Variants in KDM6A observed in about 807,000 individuals in gnomAD.
KDM6A encodes the protein lysine-specific demethylase 6A.
Under a neutral mutation model 117.6 loss-of-function variants are expected in KDM6A, and 11 were observed. The ratio of observed to expected loss-of-function variants is 0.09; its 90% CI spans 0.06 to 0.15. The LOEUF is 0.15. Among genes scored for constraint, KDM6A ranks in the 10% least tolerant of loss-of-function variants. KDM6A has a pLI of 1.00. For synonymous variants in KDM6A, 384 were observed against 396.1 expected (o/e 0.97, Z 0.36); for missense variants, 799 against 1,077.3 (o/e 0.74, Z 3.62).
chrX:44,980,441 G>A (rs1312045114), intron 4 of KDM6A, among the ~76,000 whole-genome samples: 1 of 110,520 alleles, frequency 9.0e-6, no homozygotes, highest in African/African-American at 3.3e-5. Flanking sequence ...GGAAGAATTT[G>A]TCATCGGTAA....
chrX:45,071,738 T>TG (rs1436985907), intron 18 of KDM6A, among the ~76,000 whole-genome samples: 9 of 99,060 alleles, frequency 9.1e-5, no homozygotes, highest in East Asian at 6.4e-4. Context: ...TGTGTTTTCT[T>TG]TTCTTTTCTT....
intron 2 of KDM6A, among the ~76,000 whole-genome samples, chrX:44,892,693 A>G (rs1279676166): frequency 1.9e-5 from 2 of 106,133 alleles, no homozygotes; most frequent in African/African-American, 6.9e-5. Flanking sequence ...CTCTGTCTCA[A>G]ACAAAAACAA....
At chrX:44,878,461 AACACTT>A (rs2031905114) in intron 2 of KDM6A, among the ~76,000 whole-genome samples, 1 of 112,189 alleles carries the variant, frequency 8.9e-6, no homozygotes, top group African/African-American at 3.2e-5. Context: ...TTGTCTTCTG[AACACTT>A]GCAGTCTTAA....
chrX:44,879,989 A>G (rs773957427), intron 2 of KDM6A, among the ~76,000 whole-genome samples: 46 of 109,861 alleles, frequency 4.2e-4, no homozygotes, highest in African/African-American at 1.4e-3. Context: ...CCTGACCAAT[A>G]TGGTGAAACC....
intron 2 of KDM6A, among the ~76,000 whole-genome samples, chrX:44,917,761 G>A (rs1181201979): frequency 8.9e-6 from 1 of 112,075 alleles, no homozygotes; most frequent in Non-Finnish European, 1.9e-5. Flanking sequence ...CCAGATGGTG[G>A]AGCTGGAACT....
At position 45,111,413 on chromosome X, in the gene KDM6A, A is replaced by G; in HGVS notation, c.*2A>G. 8.4e-7 allele frequency: 1 copy of G among 1,193,496 alleles called. No individual in the cohort carries two copies. Among genetic ancestry groups the G allele is most frequent in the Non-Finnish European group, 1.1e-6 (1 of 879,785 alleles). On this transcript the variant is annotated 3_prime_UTR_variant, in exon 30 of 30. Transcript: ENST00000611820. ...CCATTACCATCCGCCTCATCTTGAT[A>G]TTGTTCCATGGACATTAAATGAGAC... is the stretch of plus-strand genomic sequence containing the variant.
intron 3 of KDM6A, among the ~76,000 whole-genome samples, chrX:44,974,307 A>G (rs766529009): frequency 1.3e-3 from 141 of 111,638 alleles, no homozygotes; most frequent in African/African-American, 4.5e-3. Context: ...TAAACCACAA[A>G]TTAAAAAAAT....
At chrX:44,877,911 G>GT (rs1459784610) in intron 2 of KDM6A, among the ~76,000 whole-genome samples, 1 of 111,422 alleles carries the variant, frequency 9.0e-6, no homozygotes, top group African/African-American at 3.3e-5. Context: ...AATAGAAGTA[G>GT]TTTAAGATCC....
chrX:44,906,835 T>C lies in KDM6A; in HGVS notation c.225+32848T>C, dbSNP rs919818082. Among the ~76,000 whole-genome samples, 3 of 112,095 alleles carry C rather than the reference T, an allele frequency of 2.7e-5. No individual in the cohort carries two copies. The Admixed American group carries it at 2.8e-4, about 11-fold the overall frequency. ...TGGTGCTGGGCCCATCTTTTCTTGT[T>C]AGGAGCAGCATTATTGATACATAAT... is the stretch of plus-strand genomic sequence containing the variant. On this transcript the variant is annotated intron_variant, in intron 2 of 29. Coordinates refer to ENST00000611820, the MANE Select transcript of KDM6A (RefSeq NM_001291415.2).
At chrX:45,020,261 G>C (rs979714504) in intron 5 of KDM6A, among the ~76,000 whole-genome samples, 3 of 111,262 alleles carry the variant, frequency 2.7e-5, no homozygotes, top group African/African-American at 9.8e-5. Flanking sequence ...AAACTTTCCT[G>C]TTTGCCCCAC....
intron 2 of KDM6A, among the ~76,000 whole-genome samples, chrX:44,921,895 C>T (rs1569436013): frequency 9.2e-6 from 1 of 108,145 alleles, no homozygotes; most frequent in Non-Finnish European, 1.9e-5. Flanking sequence ...TGATCTTCCC[C>T]ATTTTATATT....
chrX:44,881,657 CT>C (rs1052878479), intron 2 of KDM6A, among the ~76,000 whole-genome samples: 4 of 101,376 alleles, frequency 3.9e-5, no homozygotes, highest in African/African-American at 1.4e-4. Flanking sequence ...TTCTTGTATG[CT>C]TTTTGTAATT....
chrX:45,003,895 CCT>C (rs1432673678), intron 4 of KDM6A, among the ~76,000 whole-genome samples: 1 of 95,538 alleles, frequency 1.0e-5, no homozygotes, highest in Non-Finnish European at 2.1e-5. Flanking sequence ...CCCTTCTCCC[CCT>C]TCCACCCCCT....
At chrX:44,898,913 C>T (rs1031774167) in intron 2 of KDM6A, among the ~76,000 whole-genome samples, 23 of 105,383 alleles carry the variant, frequency 2.2e-4, no homozygotes, top group African/African-American at 8.1e-4. Context: ...CAAAGCACCA[C>T]CTGCTTCTTC....
chrX:44,988,925 C>A (rs2040410305), intron 4 of KDM6A, among the ~76,000 whole-genome samples: 1 of 110,299 alleles, frequency 9.1e-6, no homozygotes, highest in African/African-American at 3.3e-5. Flanking sequence ...CCACTGCTGT[C>A]TTCAAAGCTG....
chrX:44,876,968 TGAATACGTATATACACGTATAC>T (rs2031664393), intron 2 of KDM6A, among the ~76,000 whole-genome samples: 1 of 82,517 alleles, frequency 1.2e-5, no homozygotes, highest in African/African-American at 1.1e-4. Flanking sequence ...CGCACGTATA[TGAATACGTATATACACGTATAC>T]GCATACGTAT....
chrX:44,913,787 A>T (rs2035375658), intron 2 of KDM6A, among the ~76,000 whole-genome samples: 3 of 110,819 alleles, frequency 2.7e-5, no homozygotes, highest in Non-Finnish European at 5.7e-5. Flanking sequence ...TATATTCCAT[A>T]TCAGCTGTCC....
chrX:45,105,093 C>T (rs2046477095), intron 27 of KDM6A, among the ~76,000 whole-genome samples: 1 of 111,464 alleles, frequency 9.0e-6, no homozygotes, highest in Admixed American at 9.5e-5. Flanking sequence ...AACTGTGCTT[C>T]CTGAGCCCAA....
chrX:45,023,876 G>A (rs1171658827), intron 6 of KDM6A, among the ~76,000 whole-genome samples: 2 of 111,529 alleles, frequency 1.8e-5, no homozygotes, highest in African/African-American at 6.5e-5. Flanking sequence ...CCACTTCTAA[G>A]TGAGAACATG....
Sources: gnomAD v4.1 joint callset for allele counts (sites outside exome capture counted in the v4.1 genomes callset) on GRCh38, gnomAD v4.1.1 for gene constraint, MANE v1.5 for transcripts, NCBI Gene and HGNC (gene_info 2026-07-23, HGNC 2026-07-21) for gene names.